The following IGF1 variants were observed in gnomAD, a reference collection of about 807,000 sequenced individuals.
IGF1 encodes insulin-like growth factor 1.
IGF1 carries 4 observed loss-of-function variants against 13.8 expected under a neutral mutation model. The observed-to-expected ratio is 0.29, with a 90% CI of 0.14 to 0.66. The LOEUF (loss-of-function observed/expected upper bound fraction) is 0.66. Among genes scored for constraint, IGF1 ranks in the 30% least tolerant of loss-of-function variants. The probability of loss-of-function intolerance (pLI) is 0.78; values close to 1 mark genes in which losing one functional copy is unlikely to be tolerated. For synonymous variants in IGF1, 76 were observed against 72.6 expected (o/e 1.05, Z -0.23); for missense variants, 124 against 188.5 (o/e 0.66, Z 2.00).
At chr12:102,432,193 G>C (rs1044006022) in intron 2 of IGF1, among the ~76,000 whole-genome samples, 1 of 152,120 alleles carries the variant, frequency 6.6e-6, no homozygotes, top group African/African-American at 2.4e-5. Context: ...GACATTGTAA[G>C]CGTTTCCCAT....
intron 2 of IGF1, among the ~76,000 whole-genome samples, chr12:102,441,944 T>C (rs1398447066): frequency 1.1e-4 from 16 of 139,664 alleles, no homozygotes; most frequent in Non-Finnish European, 2.0e-4. Flanking sequence ...CTTCTTCTTC[T>C]TCTTCTTCTT....
intron 2 of IGF1, chr12:102,423,233 T>A (rs1875889499): frequency 7.1e-6 from 1 of 141,784 alleles, no homozygotes; most frequent in South Asian, 2.3e-4. Context: ...TCTAAACACT[T>A]TTTAATTGTC....
chr12:102,411,618 T>A (rs1874646679), intron 3 of IGF1, among the ~76,000 whole-genome samples: 1 of 152,222 alleles, frequency 6.6e-6, no homozygotes, highest in African/African-American at 2.4e-5. Context: ...CGAGTTATTT[T>A]ATGAGACAAG....
At chr12:102,404,788 C>T (rs1409240119) in intron 3 of IGF1, among the ~76,000 whole-genome samples, 13 of 142,108 alleles carry the variant, frequency 9.1e-5, no homozygotes, top group South Asian at 2.2e-4. Flanking sequence ...GATGGAGTCT[C>T]GCTCTGTCAC....
intron 3 of IGF1, among the ~76,000 whole-genome samples, chr12:102,413,372 A>C (rs973832789): frequency 1.3e-5 from 2 of 152,204 alleles, no homozygotes; most frequent in African/African-American, 4.8e-5. Context: ...AATGGACTTG[A>C]GAAATTGCAG....
At chr12:102,456,129 G>A (rs1325389899) in intron 2 of IGF1, among the ~76,000 whole-genome samples, 4 of 151,992 alleles carry the variant, frequency 2.6e-5, no homozygotes, top group African/African-American at 4.8e-5. Flanking sequence ...GGGCGTAGTG[G>A]CCATCTTAGG....
rs908664450 is a variant in IGF1 at position 102,400,185 on chromosome 12, A to C, written c.*2322T>G. On this transcript the variant is annotated 3_prime_UTR_variant, in exon 4 of 4. Transcript: ENST00000337514. ...CTTGAGGTGACCCAGTGGGAGAAAA[A>C]CTGAAGATGTTATTTTTGTTTTTCA... 7 of 151,782 alleles carry C rather than the reference A, an allele frequency of 4.6e-5. No individual in the cohort carries two copies. The highest frequency in any genetic ancestry group is 7.4e-5 in the Non-Finnish European group (5 of 67,966). The allele number at this position is 151,782 out of a possible 1,614,324, so 9.4% of individuals were successfully genotyped here.
At chr12:102,474,467 C>A (rs555351339) in intron 2 of IGF1, among the ~76,000 whole-genome samples, 83 of 152,284 alleles carry the variant, frequency 5.5e-4, no homozygotes, top group African/African-American at 1.0e-3. Flanking sequence ...CCTCTTTCTT[C>A]CCATCTCCCT....
At chr12:102,452,697 T>C (rs1000037794) in intron 2 of IGF1, among the ~76,000 whole-genome samples, 3 of 152,206 alleles carry the variant, frequency 2.0e-5, no homozygotes, top group Admixed American at 6.5e-5. Context: ...GGAAGTGTAC[T>C]TTTTAAAAAG....
intron 3 of IGF1, among the ~76,000 whole-genome samples, chr12:102,413,924 G>C (rs988453530): frequency 6.6e-6 from 1 of 152,098 alleles, no homozygotes; most frequent in African/African-American, 2.4e-5. Flanking sequence ...TTAGGTCATT[G>C]AGTTCTCTTA....
intron 2 of IGF1, among the ~76,000 whole-genome samples, chr12:102,432,304 G>A (rs1475187985): frequency 6.6e-6 from 1 of 152,028 alleles, no homozygotes; most frequent in African/African-American, 2.4e-5. Context: ...CTATTACTAG[G>A]CATTTAGGCT....
chr12:102,429,760 T>C (rs1443095355), intron 2 of IGF1, among the ~76,000 whole-genome samples: 2 of 152,224 alleles, frequency 1.3e-5, no homozygotes, highest in Admixed American at 1.3e-4. Flanking sequence ...TTTTTCTTTT[T>C]TCTTACATAC....
At position 102,400,797 on chromosome 12, in the gene IGF1, A is replaced by G. The variant is rs923491567; in HGVS notation, c.*1710T>C. 11 of 152,156 alleles carry G rather than the reference A, an allele frequency of 7.2e-5. No homozygotes were observed. Among genetic ancestry groups the G allele is most frequent in the African/African-American group, 2.4e-4 (10 of 41,442 alleles). 9.4% of individuals were successfully genotyped at this position (152,156 alleles called of 1,614,324 possible). On this transcript the variant is annotated 3_prime_UTR_variant, in exon 4 of 4. Coordinates refer to ENST00000337514, the MANE Select transcript of IGF1 (RefSeq NM_000618.5). ...AGTCAGTGAGTGCTAACAAAGAGTAATTAATTCCCCTTTCACTGGTAGAAA... is the reference window on the plus strand; with the variant it reads ...AGTCAGTGAGTGCTAACAAAGAGTAGTTAATTCCCCTTTCACTGGTAGAAA...
At chr12:102,455,411 C>T (rs868382439) in intron 2 of IGF1, among the ~76,000 whole-genome samples, 2 of 152,218 alleles carry the variant, frequency 1.3e-5, no homozygotes, top group African/African-American at 2.4e-5. Context: ...CAATATATTT[C>T]TTTATGAGTT....
At chr12:102,473,317 A>G (rs1249327854) in intron 2 of IGF1, among the ~76,000 whole-genome samples, 1 of 152,198 alleles carries the variant, frequency 6.6e-6, no homozygotes, top group Admixed American at 6.5e-5. Context: ...CTTGAAAACA[A>G]GGTCAATCTC....
chr12:102,438,613 C>A (rs568835033), intron 2 of IGF1, among the ~76,000 whole-genome samples: 2 of 152,198 alleles, frequency 1.3e-5, no homozygotes, highest in South Asian at 2.1e-4. Context: ...AACAAAGGCG[C>A]CTGTATACTT....
intron 2 of IGF1, among the ~76,000 whole-genome samples, chr12:102,437,169 C>T (rs575081736): frequency 2.4e-4 from 36 of 152,346 alleles, no homozygotes; most frequent in African/African-American, 6.5e-4. Flanking sequence ...GAGAAGTCAA[C>T]GGGGCATCCC....
At chr12:102,447,950 C>T (rs1878501887) in intron 2 of IGF1, among the ~76,000 whole-genome samples, 1 of 152,048 alleles carries the variant, frequency 6.6e-6, no homozygotes, top group Admixed American at 6.6e-5. Flanking sequence ...AGAGCTTCTG[C>T]ACAGCAAAAG....
Position 102,398,409 on chromosome 12 carries a change from A to G in IGF1, c.*4098T>C, listed in dbSNP as rs1366034993. The G allele has an allele frequency of 1.3e-5, 2 of 152,210 alleles. No individual in the cohort carries two copies. Among genetic ancestry groups the G allele is most frequent in the African/African-American group, 4.8e-5 (2 of 41,458 alleles). 9.4% of individuals were successfully genotyped at this position (152,210 alleles called of 1,614,324 possible). On this transcript the variant is annotated 3_prime_UTR_variant, in exon 4 of 4. Transcript: ENST00000337514. ...TGTTCTTATTTTCTCCACTTGCTGA[A>G]TATCTGTTTTAGAGCAGAGTGCACA...
Sources: gnomAD v4.1 joint callset for allele counts (sites outside exome capture counted in the v4.1 genomes callset) on GRCh38, gnomAD v4.1.1 for gene constraint, MANE v1.5 for transcripts, NCBI Gene and HGNC (gene_info 2026-07-23, HGNC 2026-07-21) for gene names.